The following HMCN1 variants were observed in gnomAD, a reference collection of about 807,000 sequenced individuals.
HMCN1 encodes the protein hemicentin 1.
Under a neutral mutation model 625.9 loss-of-function variants are expected in HMCN1, and 321 were observed. That is an observed-to-expected ratio of 0.51 (90% CI 0.47 to 0.56). The LOEUF (loss-of-function observed/expected upper bound fraction) is 0.56, where lower values mean the gene tolerates loss of function less well. Among genes scored for constraint, HMCN1 ranks in the 20% least tolerant of loss-of-function variants. The pLI is 0.00. For synonymous variants in HMCN1, 2,425 were observed against 2,417.6 expected, an observed-to-expected ratio of 1.00 and a Z score of -0.09; for missense variants, 6,588 against 6,887.3, an observed-to-expected ratio of 0.96 and a Z score of 1.54.
chr1:186,002,576 T>A (rs1558133340), intron 28 of HMCN1, among the ~76,000 whole-genome samples: 1 of 152,266 alleles, frequency 6.6e-6, no homozygotes, highest in East Asian at 1.9e-4. Context: ...ATCATTGTTA[T>A]CATGAGTCTT....
At chr1:186,103,802 T>C in intron 69 of HMCN1, 134 bp downstream of exon 69, 1 of 706,354 alleles carries the variant, frequency 1.4e-6, no homozygotes, top group Non-Finnish European at 2.4e-6. Flanking sequence ...GATGGATTAG[T>C]CCTATGATAT....
chr1:185,941,106 C>T (rs568775740), intron 11 of HMCN1, among the ~76,000 whole-genome samples: 14 of 152,156 alleles, frequency 9.2e-5, no homozygotes, highest in African/African-American at 2.9e-4. Context: ...CTGCCCGCCT[C>T]GGCCTCCCAA....
chr1:185,962,721 A>G, intron 12 of HMCN1, 62 bp downstream of exon 12: 1 of 941,010 alleles, frequency 1.1e-6, no homozygotes, highest in Non-Finnish European at 1.8e-6. Flanking sequence ...AGACTTCTGG[A>G]CCAAACTAAT....
chr1:186,069,804 A>T, intron 51 of HMCN1, 28 bp downstream of exon 51: 1 of 1,457,614 alleles, frequency 6.9e-7, no homozygotes, highest in Non-Finnish European at 9.6e-7. Flanking sequence ...ACTATGTTTC[A>T]TAGCTTCCCC....
chr1:186,098,817 T>C (rs751588379), intron 68 of HMCN1, among the ~76,000 whole-genome samples: 41 of 152,174 alleles, frequency 2.7e-4, no homozygotes, highest in Non-Finnish European at 4.6e-4. Flanking sequence ...ATGTAGTAGA[T>C]ATACACAATG....
intron 47 of HMCN1, 84 bp downstream of exon 47, chr1:186,062,048 A>G: frequency 1.2e-6 from 1 of 807,524 alleles, no homozygotes; most frequent in African/African-American, 1.7e-5. Context: ...TTACCACTTG[A>G]TCTCATACCT....
intron 11 of HMCN1, among the ~76,000 whole-genome samples, chr1:185,946,689 T>C (rs141198787): frequency 6.3e-4 from 96 of 152,364 alleles, no homozygotes; most frequent in African/African-American, 2.1e-3. Context: ...ATATTTTTTG[T>C]CTTCACCTGC....
chr1:185,793,697 T>C (rs1049285760), intron 1 of HMCN1, among the ~76,000 whole-genome samples: 11 of 152,184 alleles, frequency 7.2e-5, no homozygotes, highest in African/African-American at 2.7e-4. Flanking sequence ...ATATCAAATA[T>C]TTAAATTCAT....
At chr1:186,179,255 G>C (rs1204892741) in intron 104 of HMCN1, among the ~76,000 whole-genome samples, 2 of 152,092 alleles carry the variant, frequency 1.3e-5, no homozygotes, top group Non-Finnish European at 2.9e-5. Flanking sequence ...TGGAATTGCT[G>C]TTTGATTATT....
intron 83 of HMCN1, 90 bp from the exon 84 acceptor site, chr1:186,129,876 C>A: frequency 6.6e-7 from 1 of 1,504,748 alleles, no homozygotes; most frequent in Non-Finnish European, 9.2e-7. Context: ...TGCTGACCAA[C>A]TCATAAATCT....
At chr1:186,020,172 A>G (rs929356979) in intron 35 of HMCN1, among the ~76,000 whole-genome samples, 1 of 152,034 alleles carries the variant, frequency 6.6e-6, no homozygotes, top group Admixed American at 6.6e-5. Flanking sequence ...TTTATCGTTC[A>G]TAGTGAGTAT....
intron 102 of HMCN1, among the ~76,000 whole-genome samples, chr1:186,174,065 AGG>A (rs1652406632): frequency 6.6e-6 from 1 of 152,206 alleles, no homozygotes; most frequent in African/African-American, 2.4e-5. Context: ...TATCACAAAT[AGG>A]GGAGTAAGGT....
intron 22 of HMCN1, among the ~76,000 whole-genome samples, 156 bp downstream of exon 22, chr1:185,990,599 C>T (rs575693899): frequency 1.3e-5 from 2 of 152,164 alleles, no homozygotes; most frequent in Non-Finnish European, 2.9e-5. Context: ...GTATTTATAA[C>T]ACTGAATCAT....
At chr1:185,899,718 A>C (rs2102430163) in intron 4 of HMCN1, among the ~76,000 whole-genome samples, 1 of 152,274 alleles carries the variant, frequency 6.6e-6, no homozygotes, top group East Asian at 1.9e-4. Flanking sequence ...GTGGTAAAAC[A>C]GAGAGAAGAT....
At chr1:185,795,111 C>T (rs539261054) in intron 1 of HMCN1, among the ~76,000 whole-genome samples, 2 of 152,238 alleles carry the variant, frequency 1.3e-5, no homozygotes, top group South Asian at 4.1e-4. Context: ...TACACACTGG[C>T]TTTCACAAAA....
chr1:185,893,861 G>C (rs1013896264), intron 4 of HMCN1, among the ~76,000 whole-genome samples: 4 of 152,034 alleles, frequency 2.6e-5, no homozygotes, highest in Admixed American at 2.6e-4. Flanking sequence ...AACATATCCT[G>C]GATAGCTAGC....
At position 186,145,885 on chromosome 1, in the gene HMCN1, C is replaced by G; in HGVS notation, c.14570C>G (p.Thr4857Ser). ...VKGGRPCPGD[T>S]TQVTRCNVQA... ...GGTGGCCGTCCCTGTCCCGGAGACA[C>G]TACTCAGGTGACCAGGTGCAATGTA... is the stretch of plus-strand genomic sequence containing the variant. The change falls in exon 93 of 107, where the codon ACT becomes AGT. Residue 4857 changes from threonine to serine, a missense_variant. Thr to Ser is a moderately conservative substitution (Grantham distance 58). Around this residue, in one of 3 missense-constraint regions of HMCN1, gnomAD observed 1,954 missense variants for 2,013.1 expected, o/e 0.97. Transcript: ENST00000271588. The G allele has an allele frequency of 6.2e-7, 1 of 1,614,032 alleles. No homozygotes were observed. The highest frequency in any genetic ancestry group is 8.5e-7 in the Non-Finnish European group (1 of 1,180,002).
intron 86 of HMCN1, 47 bp downstream of exon 86, chr1:186,132,456 T>G (rs368103574): frequency 6.3e-5 from 85 of 1,357,348 alleles, no homozygotes; most frequent in Non-Finnish European, 7.7e-5. Flanking sequence ...TAGGAAATAT[T>G]ACCTAATAAA....
intron 1 of HMCN1, among the ~76,000 whole-genome samples, chr1:185,781,630 T>G (rs1657114826): frequency 6.6e-6 from 1 of 152,222 alleles, no homozygotes; most frequent in African/African-American, 2.4e-5. Context: ...AGGAACAGGT[T>G]GTTCAGTTTC....
Sources: gnomAD v4.1 joint callset for allele counts (sites outside exome capture counted in the v4.1 genomes callset) on GRCh38, gnomAD v4.1.1 for gene constraint, gnomAD v4.1.1 regional missense constraint, MANE v1.5 for transcripts, NCBI Gene and HGNC (gene_info 2026-07-23, HGNC 2026-07-21) for gene names.